TLE4: variants seen among roughly 807,000 people sequenced by gnomAD.
The protein encoded by TLE4 is TLE family member 4, transcriptional corepressor, also known as transducin-like enhancer protein 4.
TLE4 carries 8 observed loss-of-function variants against 92.8 expected under a neutral mutation model. The observed-to-expected ratio is 0.09, with a 90% CI of 0.05 to 0.16. TLE4 has a LOEUF of 0.16. Among genes scored for constraint, TLE4 ranks in the 10% least tolerant of loss-of-function variants. The pLI, the probability that TLE4 is intolerant of heterozygous loss-of-function variation, is 1.00. For missense variants in TLE4, 675 were observed against 997.6 expected, an observed-to-expected ratio of 0.68 and a Z score of 4.36; for synonymous variants, 371 against 374.1, an observed-to-expected ratio of 0.99 and a Z score of 0.10.
intron 16 of TLE4, among the ~76,000 whole-genome samples, chr9:79,721,376 C>T (rs1175542999): frequency 6.6e-6 from 1 of 152,220 alleles, no homozygotes; most frequent in South Asian, 2.1e-4. Context: ...ATTAAATTCT[C>T]TCTCCCTCAT....
intron 8 of TLE4, among the ~76,000 whole-genome samples, chr9:79,676,796 G>C (rs892167781): frequency 2.0e-5 from 3 of 152,158 alleles, no homozygotes; most frequent in African/African-American, 7.2e-5. Context: ...TATTTTACTT[G>C]ATATTTAATA....
chr9:79,620,838 G>T (rs2050774364), intron 5 of TLE4, among the ~76,000 whole-genome samples: 1 of 152,122 alleles, frequency 6.6e-6, no homozygotes, highest in Admixed American at 6.5e-5. Flanking sequence ...AGGACTCAGG[G>T]AGCTTTTTTT....
chr9:79,693,681 T>G (rs371061733), intron 8 of TLE4: 108 of 516,518 alleles, frequency 2.1e-4, no homozygotes, highest in African/African-American at 1.6e-3. Context: ...TTTGAGTTAT[T>G]TTAATCTTCC....
chr9:79,657,977 T>C (rs151020027), intron 8 of TLE4, among the ~76,000 whole-genome samples: 99 of 152,324 alleles, frequency 6.5e-4, no homozygotes, highest in African/African-American at 2.3e-3. Context: ...TATGAGGGAT[T>C]TGCCTTTTTT....
In TLE4 at chr9:79,610,758, T is replaced by A. The variant is rs540666832; in HGVS notation, c.253-1898T>A. 1.5e-4 allele frequency among the ~76,000 whole-genome samples: 23 copies of A among 152,176 alleles called. No individual in the cohort carries two copies. In the East Asian group the frequency reaches 1.5e-3, roughly 10 times the overall value. On this transcript the variant is annotated intron_variant, in intron 4 of 19. Transcript: ENST00000376552. The stretch of plus-strand genomic sequence containing the variant: ...TTTTTAAGAAAATGTAGAATTTTTT[T>A]AAAAAATAGTTGCTCAGACTTAATA...
intron 8 of TLE4, among the ~76,000 whole-genome samples, chr9:79,700,967 C>T (rs1391646039): frequency 6.6e-6 from 1 of 151,926 alleles, no homozygotes; most frequent in Non-Finnish European, 1.5e-5. Flanking sequence ...ATGTAGTAAA[C>T]TTGAGAAATA....
At chr9:79,624,340 A>G (rs1318756042) in intron 5 of TLE4, among the ~76,000 whole-genome samples, 1 of 151,946 alleles carries the variant, frequency 6.6e-6, no homozygotes, top group Non-Finnish European at 1.5e-5. Context: ...CTGTGGCGTA[A>G]TGTTACATGG....
intron 16 of TLE4, 127 bp downstream of exon 16, chr9:79,720,420 G>A: frequency 1.0e-6 from 1 of 964,500 alleles, no homozygotes; most frequent in Non-Finnish European, 1.4e-6. Context: ...GTGTGTGTGT[G>A]TGTGTAAAGT....
At chr9:79,586,386 T>C (rs2041110389) in intron 4 of TLE4, among the ~76,000 whole-genome samples, 1 of 151,746 alleles carries the variant, frequency 6.6e-6, no homozygotes, top group African/African-American at 2.4e-5. Flanking sequence ...AAAAGAAAAT[T>C]GTGTGACTTC....
At chr9:79,667,095 C>T (rs1172847473) in intron 8 of TLE4, among the ~76,000 whole-genome samples, 4 of 152,208 alleles carry the variant, frequency 2.6e-5, no homozygotes, top group Admixed American at 1.3e-4. Flanking sequence ...TACAGCTGCG[C>T]CCAGATCTAG....
chr9:79,714,294 G>T (rs765532093), intron 14 of TLE4, among the ~76,000 whole-genome samples: 18 of 152,278 alleles, frequency 1.2e-4, no homozygotes, highest in Non-Finnish European at 2.2e-4. Flanking sequence ...GAAGGTCTCA[G>T]GCTGGCATTC....
intron 6 of TLE4, among the ~76,000 whole-genome samples, chr9:79,634,727 T>C (rs931868234): frequency 1.3e-5 from 2 of 152,178 alleles, no homozygotes; most frequent in African/African-American, 4.8e-5. Context: ...GACAATGTCA[T>C]GTAAATGGAA....
At chr9:79,604,265 A>G (rs2046330953) in intron 4 of TLE4, among the ~76,000 whole-genome samples, 1 of 152,110 alleles carries the variant, frequency 6.6e-6, no homozygotes, top group East Asian at 1.9e-4. Flanking sequence ...AATGCTAGGA[A>G]GAGGGACTGT....
intron 1 of TLE4, chr9:79,573,203 G>A: frequency 1.0e-6 from 1 of 993,898 alleles, no homozygotes; most frequent in Middle Eastern, 4.7e-4. Context: ...CTGCTGGGCT[G>A]GCTGCGGTTT....
chr9:79,717,680 G>A (rs74972941), intron 14 of TLE4, among the ~76,000 whole-genome samples: 6,265 of 152,242 alleles, frequency 0.041, 194 homozygotes, highest in South Asian at 0.071. Flanking sequence ...TACAACTTCC[G>A]CAGTTTGGTC....
At position 79,699,203 on chromosome 9, in the gene TLE4, G is replaced by C. The variant is rs552193628; in HGVS notation, c.610-5580G>C. Among the ~76,000 whole-genome samples, 8 of 152,112 alleles carry C rather than the reference G, an allele frequency of 5.3e-5. No homozygotes were observed. The South Asian group carries it at 6.2e-4, about 12-fold the overall frequency. ...AGTGTTCATTTTTATTTTTGACATG[G>C]GTCTTTTGCTTTTCTAAGGGGTTGC... On this transcript the variant is annotated intron_variant, in intron 8 of 19. Transcript: ENST00000376552.
At chr9:79,699,130 T>G (rs2069066559) in intron 8 of TLE4, among the ~76,000 whole-genome samples, 1 of 152,208 alleles carries the variant, frequency 6.6e-6, no homozygotes. Flanking sequence ...CTTTGTGGTC[T>G]GGTGAACATG....
chr9:79,620,390 G>A (rs1430706309), intron 5 of TLE4, among the ~76,000 whole-genome samples: 2 of 152,190 alleles, frequency 1.3e-5, no homozygotes, highest in Non-Finnish European at 2.9e-5. Flanking sequence ...ATTGCCCAAA[G>A]TTCTGTTGGA....
intron 9 of TLE4, among the ~76,000 whole-genome samples, chr9:79,705,276 G>T (rs2071207000): frequency 6.6e-6 from 1 of 152,242 alleles, no homozygotes; most frequent in Admixed American, 6.5e-5. Flanking sequence ...ATGGATTCAT[G>T]TGCTGAAGGA....
Sources: allele counts gnomAD v4.1 joint callset (sites outside exome capture counted in the v4.1 genomes callset), GRCh38; gene constraint gnomAD v4.1.1; transcripts MANE v1.5; gene names NCBI Gene and HGNC (gene_info 2026-07-23, HGNC 2026-07-21).